Variants in COL4A2 observed in about 807,000 individuals in gnomAD.
COL4A2 encodes the protein collagen type IV alpha 2 chain, also known as collagen alpha-2(IV) chain.
COL4A2 carries 99 observed loss-of-function variants against 200.2 expected under a neutral mutation model. The observed-to-expected ratio is 0.49, with a 90% confidence interval of 0.42 to 0.58. The LOEUF (loss-of-function observed/expected upper bound fraction) is 0.58, where lower values mean the gene tolerates loss of function less well. Among genes scored for constraint, COL4A2 ranks in the 20% least tolerant of loss-of-function variants. COL4A2 has a pLI of 0.00. For missense variants in COL4A2, 1,950 were observed against 2,314.1 expected (o/e 0.84, Z 3.23); for synonymous variants, 897 against 900.6 (o/e 1.00, Z 0.07).
intron 4 of COL4A2, among the ~76,000 whole-genome samples, chr13:110,371,627 C>T (rs1158603873): frequency 6.6e-6 from 1 of 152,132 alleles, no homozygotes; most frequent in Admixed American, 6.5e-5. Flanking sequence ...TATATCAAGC[C>T]TGTGCCAGAT....
intron 24 of COL4A2, among the ~76,000 whole-genome samples, chr13:110,465,052 CAT>C (rs1157390356): frequency 1.3e-5 from 2 of 152,216 alleles, no homozygotes; most frequent in African/African-American, 4.8e-5. Flanking sequence ...ACAACAAAAT[CAT>C]GTGTTTCTTT....
At chr13:110,456,591 A>G (rs1429841048) in intron 20 of COL4A2, 5 of 366,242 alleles carry the variant, frequency 1.4e-5, no homozygotes, top group African/African-American at 4.3e-5. Context: ...CCTGAAGGCT[A>G]TCGCCACAAA....
chr13:110,417,141 T>TG (rs1880074580), intron 4 of COL4A2, among the ~76,000 whole-genome samples: 1 of 152,220 alleles, frequency 6.6e-6, no homozygotes, highest in African/African-American at 2.4e-5. Flanking sequence ...CCACCACGCC[T>TG]GGCTCATTTT....
chr13:110,334,081 C>T (rs1180139335), intron 3 of COL4A2, among the ~76,000 whole-genome samples: 5 of 152,226 alleles, frequency 3.3e-5, no homozygotes, highest in African/African-American at 4.8e-5. Flanking sequence ...GCGAGGGTCA[C>T]ACCCAGGTGT....
intron 40 of COL4A2, among the ~76,000 whole-genome samples, chr13:110,497,341 G>T (rs988764733): frequency 1.3e-5 from 2 of 150,640 alleles, no homozygotes; most frequent in Admixed American, 6.6e-5. Context: ...CAGTACACCA[G>T]CACAGCTTCA....
intron 29 of COL4A2, among the ~76,000 whole-genome samples, chr13:110,477,392 G>A (rs1372385213): frequency 6.6e-6 from 1 of 152,174 alleles, no homozygotes; most frequent in East Asian, 1.9e-4. Flanking sequence ...AGAATAAATG[G>A]GTTTAGACTT....
At chr13:110,309,861 C>G (rs1340320402) in intron 3 of COL4A2, among the ~76,000 whole-genome samples, 60 of 152,254 alleles carry the variant, frequency 3.9e-4, no homozygotes, top group Non-Finnish European at 1.5e-5. Context: ...CTTGGTGGCG[C>G]TTGCCTGTAA....
At chr13:110,502,811 G>A in intron 41 of COL4A2, 2 of 295,186 alleles carry the variant, frequency 6.8e-6, no homozygotes, top group South Asian at 4.2e-5. Flanking sequence ...TGAGGGTTGG[G>A]GGGAGAGGGA....
At chr13:110,480,631 G>A (rs1030953571) in intron 31 of COL4A2, among the ~76,000 whole-genome samples, 20 of 152,212 alleles carry the variant, frequency 1.3e-4, no homozygotes, top group Non-Finnish European at 2.4e-4. Context: ...AATTTACCAA[G>A]ACAAACTGCT....
At chr13:110,358,800 T>C (rs1272955117) in intron 4 of COL4A2, among the ~76,000 whole-genome samples, 1 of 152,248 alleles carries the variant, frequency 6.6e-6, no homozygotes, top group Admixed American at 6.5e-5. Context: ...ATCAATTGTA[T>C]TCTGTTCCAC....
At chr13:110,477,971 GC>G in intron 29 of COL4A2, 31 bp from the exon 30 acceptor site, 1 of 1,515,066 alleles carries the variant, frequency 6.6e-7, no homozygotes, top group Non-Finnish European at 8.9e-7. Flanking sequence ...TCCAGAGTTG[GC>G]CCCCACAGCT....
chr13:110,507,896 C>A (rs1356754667), intron 46 of COL4A2, 39 bp from the exon 47 acceptor site: 3 of 1,594,132 alleles, frequency 1.9e-6, no homozygotes, highest in Non-Finnish European at 2.6e-6. Flanking sequence ...CGTCTTCTAG[C>A]CACACTGCAC....
chr13:110,428,682 A>G (rs1333580081), intron 7 of COL4A2, 99 bp downstream of exon 7: 37 of 600,074 alleles, frequency 6.2e-5, no homozygotes, highest in Non-Finnish European at 2.8e-6. Flanking sequence ...TGTGGCCAGA[A>G]CGGAAGCATA....
At chr13:110,383,167 G>A (rs76354421) in intron 4 of COL4A2, among the ~76,000 whole-genome samples, 119 of 152,240 alleles carry the variant, frequency 7.8e-4, no homozygotes, top group East Asian at 4.8e-3. Context: ...GCCATGTTCT[G>A]CGTATCCACG....
chr13:110,464,246 G>A (rs530032002), intron 24 of COL4A2, among the ~76,000 whole-genome samples: 1 of 152,290 alleles, frequency 6.6e-6, no homozygotes, highest in South Asian at 2.1e-4. Context: ...GCCCAGCTGG[G>A]GGCAGGTGGT....
intron 4 of COL4A2, 50 bp downstream of exon 4, chr13:110,357,602 G>A (rs369263408): frequency 6.5e-7 from 1 of 1,549,966 alleles, no homozygotes; most frequent in African/African-American, 1.4e-5. Context: ...ATACAGTCAT[G>A]CCTCGCTTAA....
intron 40 of COL4A2, among the ~76,000 whole-genome samples, chr13:110,500,803 A>G (rs1883611119): frequency 6.6e-6 from 1 of 152,302 alleles, no homozygotes; most frequent in East Asian, 1.9e-4. Context: ...AACAGTCAAC[A>G]TGCACTCACT....
intron 6 of COL4A2, among the ~76,000 whole-genome samples, chr13:110,426,881 A>G (rs549112941): frequency 6.6e-6 from 1 of 152,208 alleles, no homozygotes; most frequent in East Asian, 1.9e-4. Flanking sequence ...AGGGCCCCTT[A>G]TGTCTTTATT....
At chr13:110,462,226 G>GCCTT in intron 23 of COL4A2, 40 bp downstream of exon 23, 2 of 1,614,272 alleles carry the variant, frequency 1.2e-6, no homozygotes, top group Non-Finnish European at 1.7e-6. Flanking sequence ...GGGGCACTGA[G>GCCTT]CCTTCCTGTG....
Sources: allele counts gnomAD v4.1 joint callset (sites outside exome capture counted in the v4.1 genomes callset), GRCh38; gene constraint gnomAD v4.1.1; transcripts MANE v1.5; gene names NCBI Gene and HGNC (gene_info 2026-07-23, HGNC 2026-07-21).